The following LHX4 variants were observed in gnomAD, a reference collection of about 807,000 sequenced individuals.
LHX4 encodes the protein LIM/homeobox protein Lhx4.
Under a neutral mutation model 39.2 loss-of-function variants are expected in LHX4, and 16 were observed. The observed-to-expected ratio is 0.41, with a 90% confidence interval of 0.28 to 0.62. The LOEUF (loss-of-function observed/expected upper bound fraction) is 0.62. LHX4 is among the 20% of genes least tolerant of loss of function. LHX4 has a pLI of 0.33. For missense variants in LHX4, 439 were observed against 511.9 expected (o/e 0.86, Z 1.37); for synonymous variants, 206 against 198.1 (o/e 1.04, Z -0.33).
chr1:180,253,265 C>T (rs1392901586), intron 2 of LHX4, among the ~76,000 whole-genome samples: 4 of 152,216 alleles, frequency 2.6e-5, no homozygotes, highest in African/African-American at 9.7e-5. Context: ...GGGACCAGGG[C>T]CCAGAGAGAG....
In LHX4 at chr1:180,266,337, G is replaced by T; in HGVS notation, c.249-55G>T. ...GGGAGGCTGCTCCAGGAAGTTGGGG[G>T]AAGCCAGATCCCTTGCTCCCTGTGT... On this transcript the variant is annotated intron_variant, in intron 2 of 5. Coordinates refer to ENST00000263726, the MANE Select transcript of LHX4 (RefSeq NM_033343.4). The surrounding 1 kb of genome is among the most constrained non-coding windows in gnomAD (Gnocchi z 5.7). The T allele has an allele frequency of 1.3e-6, 2 of 1,582,752 alleles. No individual in the cohort carries two copies. The highest frequency in any genetic ancestry group is 1.3e-5 in the African/African-American group (1 of 74,322).
At position 180,274,529 on chromosome 1, in the gene LHX4, C is replaced by T; in HGVS notation, c.1123C>T (p.Pro375Ser). The change falls in exon 6 of 6, where the codon CCA becomes TCA. Residue 375 changes from proline to serine, a missense_variant. Coordinates refer to ENST00000263726, the MANE Select transcript of LHX4 (RefSeq NM_033343.4). ...AAGCAGTGTAGGCTATCCCGACTTTCCAACTAGCCCAGGCTCTTGGCTCGA... is the reference window on the plus strand; with the variant it reads ...AAGCAGTGTAGGCTATCCCGACTTTTCAACTAGCCCAGGCTCTTGGCTCGA... Reference protein sequence around the residue: ...TGSSVGYPDFPTSPGSWLDEM... With the variant: ...TGSSVGYPDFSTSPGSWLDEM... 1 of 1,604,958 alleles carries T rather than the reference C, an allele frequency of 6.2e-7. No individual in the cohort carries two copies. Among genetic ancestry groups the T allele is most frequent in the Non-Finnish European group, 8.5e-7 (1 of 1,175,320 alleles).
intron 3 of LHX4, among the ~76,000 whole-genome samples, chr1:180,268,793 C>A (rs1363608543): frequency 6.6e-6 from 1 of 152,202 alleles, no homozygotes; most frequent in African/African-American, 2.4e-5. Context: ...GTGAGCAAGG[C>A]AGGGCTCCTC....
At chr1:180,229,928 C>A (rs1664125728), upstream of LHX4, among the ~76,000 whole-genome samples, 1 of 116,148 alleles carries the variant, frequency 8.6e-6, no homozygotes, top group African/African-American at 3.8e-5. Flanking sequence ...GGCGCGAGCC[C>A]GCCACGGCTG....
chr1:180,241,786 G>T (rs2149254358), intron 1 of LHX4, among the ~76,000 whole-genome samples: 1 of 151,870 alleles, frequency 6.6e-6, no homozygotes, highest in Non-Finnish European at 1.5e-5. Context: ...TTTTTGTTTT[G>T]ATTTTTTTTG....
intron 2 of LHX4, among the ~76,000 whole-genome samples, chr1:180,257,392 G>A (rs1181910042): frequency 2.0e-5 from 3 of 152,180 alleles, no homozygotes; most frequent in Non-Finnish European, 4.4e-5. Flanking sequence ...CATGGGCTGG[G>A]AGGTATATGT....
chr1:180,253,695 A>T (rs1310388222), intron 2 of LHX4, among the ~76,000 whole-genome samples: 1 of 152,174 alleles, frequency 6.6e-6, no homozygotes, highest in Admixed American at 6.5e-5. Flanking sequence ...GACGTGTGTG[A>T]CCCGGGTCCA....
At chr1:180,256,113 C>A (rs897115509) in intron 2 of LHX4, among the ~76,000 whole-genome samples, 2 of 152,238 alleles carry the variant, frequency 1.3e-5, no homozygotes, top group Non-Finnish European at 2.9e-5. Flanking sequence ...CCTCTCTGGA[C>A]ATTCCTGCAG....
chr1:180,248,183 G>C, intron 1 of LHX4, 102 bp from the exon 2 acceptor site: 1 of 1,111,372 alleles, frequency 9.0e-7, no homozygotes, highest in Non-Finnish European at 1.3e-6. Context: ...GGCCATGTCT[G>C]TTTCCACCAT....
chr1:180,242,048 G>C (rs1469585026), intron 1 of LHX4, among the ~76,000 whole-genome samples: 1 of 151,242 alleles, frequency 6.6e-6, no homozygotes, highest in African/African-American at 2.4e-5. Flanking sequence ...CAGTATTTTT[G>C]AGCCCTTTCC....
chr1:180,244,040 C>T lies in LHX4; in HGVS notation c.77-4245C>T, dbSNP rs3890040. On this transcript the variant is annotated intron_variant, in intron 1 of 5. Transcript: ENST00000263726. ...CAGCCTTGGGCACATCGCCTGATCTCGCGAAGGCTCAGTTTCCTCATCTGT... is the reference window on the plus strand; with the variant it reads ...CAGCCTTGGGCACATCGCCTGATCTTGCGAAGGCTCAGTTTCCTCATCTGT... 4.8e-3 allele frequency among the ~76,000 whole-genome samples: 736 copies of T among 152,284 alleles called. 19 individuals carry two copies. The highest frequency in any genetic ancestry group is 0.03 in the Admixed American group (457 of 15,290).
In LHX4 at chr1:180,230,928, C is replaced by A. The variant is rs79779421; in HGVS notation, c.76+323C>A. Reference sequence around the variant, plus strand: ...CCAGGGGTACGAGCTGTAGGCCAGGCCTGAGGGCGAGGGTGGTCCCCACAA... The same window carrying A: ...CCAGGGGTACGAGCTGTAGGCCAGGACTGAGGGCGAGGGTGGTCCCCACAA... On this transcript the variant is annotated intron_variant, in intron 1 of 5. Coordinates refer to ENST00000263726, the MANE Select transcript of LHX4 (RefSeq NM_033343.4). The surrounding 1 kb of genome is among the most constrained non-coding windows in gnomAD (Gnocchi z 5.8). Among the ~76,000 whole-genome samples the A allele has an allele frequency of 8.1e-3, 1,240 of 152,278 alleles. 19 individuals carry two copies. The highest frequency in any genetic ancestry group is 0.029 in the African/African-American group (1,202 of 41,544).
upstream of LHX4, among the ~76,000 whole-genome samples, chr1:180,229,254 G>A (rs1664098311): frequency 6.6e-6 from 1 of 152,250 alleles, no homozygotes; most frequent in African/African-American, 2.4e-5. Context: ...ACCCGCGGTG[G>A]CAGCCGGAGA....
Position 180,271,947 on chromosome 1 carries a change from A to C in LHX4, c.719A>C (p.Gln240Pro). ...AAGAGGAGCCGGGGCAGCAGCAAGC[A>C]GGAGAAGGAGAGCTCTGCAGAGGAC... ...SVKRSRGSSK[Q>P]EKESSAEDCG... is the part of the protein sequence containing the mutation. Residue 240 changes from glutamine to proline, a missense_variant, in exon 5 of 6, where the codon CAG becomes CCG. Transcript: ENST00000263726. 1 of 1,613,348 alleles carries C rather than the reference A, an allele frequency of 6.2e-7. No homozygotes were observed. The highest frequency in any genetic ancestry group is 8.5e-7 in the Non-Finnish European group (1 of 1,179,886).
intron 3 of LHX4, 111 bp from the exon 4 acceptor site, chr1:180,271,269 C>A: frequency 8.0e-7 from 1 of 1,248,192 alleles, no homozygotes; most frequent in South Asian, 1.2e-5. Flanking sequence ...TCGCGCTGTC[C>A]TGCCTACAGC....
Position 180,230,716 on chromosome 1 carries a change from G to A in LHX4, c.76+111G>A. ...AGGGGCCGGGAGGGGCTGGCGGCCGGGGCGCAGAGGCGGTCACAGGGCAGG... is the reference window on the plus strand; with the variant it reads ...AGGGGCCGGGAGGGGCTGGCGGCCGAGGCGCAGAGGCGGTCACAGGGCAGG... On this transcript the variant is annotated intron_variant, in intron 1 of 5. Coordinates refer to ENST00000263726, the MANE Select transcript of LHX4 (RefSeq NM_033343.4). The surrounding 1 kb of genome is among the most constrained non-coding windows in gnomAD (Gnocchi z 5.8). 1 of 1,015,996 alleles carries A rather than the reference G, an allele frequency of 9.8e-7. No individual in the cohort carries two copies. The highest frequency in any genetic ancestry group is 1.3e-5 in the South Asian group (1 of 74,586). 62.9% of individuals were successfully genotyped at this position (1,015,996 alleles called of 1,614,324 possible).
intron 3 of LHX4, chr1:180,271,144 G>T (rs1012990645): frequency 1.7e-6 from 1 of 588,542 alleles, no homozygotes; most frequent in Non-Finnish European, 3.1e-6. Context: ...TTGAGGCAGG[G>T]AGCTGAGCAG....
chr1:180,250,985 T>A (rs1647606115), intron 2 of LHX4, among the ~76,000 whole-genome samples: 1 of 152,238 alleles, frequency 6.6e-6, no homozygotes, highest in East Asian at 1.9e-4. Context: ...GCCCTGGCCC[T>A]CTTTTGGATC....
chr1:180,249,342 A>G (rs778835084), intron 2 of LHX4, among the ~76,000 whole-genome samples: 1 of 152,202 alleles, frequency 6.6e-6, no homozygotes, highest in Non-Finnish European at 1.5e-5. Context: ...GGTGTTTTCC[A>G]TGGCATTTAG....
Sources: gnomAD v4.1 joint callset for allele counts (sites outside exome capture counted in the v4.1 genomes callset) on GRCh38, gnomAD v4.1.1 for gene constraint, Gnocchi (gnomAD v3.1) non-coding constraint, MANE v1.5 for transcripts, NCBI Gene and HGNC (gene_info 2026-07-23, HGNC 2026-07-21) for gene names.